ZNF365: variants seen among roughly 807,000 people sequenced by gnomAD.
ZNF365 encodes the protein zinc finger protein 365, also known as protein ZNF365.
ZNF365 carries 22 observed loss-of-function variants against 35.0 expected under a neutral mutation model. The ratio of observed to expected loss-of-function variants is 0.63; its 90% CI spans 0.45 to 0.90. The LOEUF is 0.90. ZNF365 is among the 40% of genes least tolerant of loss of function. ZNF365 has a pLI of 0.00. For missense variants in ZNF365, 448 were observed against 500.3 expected (o/e 0.90, Z 1.00); for synonymous variants, 188 against 196.2 (o/e 0.96, Z 0.35).
At chr10:62,417,429 G>A (rs7923561) in intron 3 of ZNF365, among the ~76,000 whole-genome samples, 95,089 of 151,868 alleles carry the variant, frequency 0.63, 30,307 homozygotes, top group East Asian at 0.84. Flanking sequence ...TGCTAATGCC[G>A]TGTTTGGTTC....
chr10:62,450,015 G>C (rs1219100085), intron 3 of ZNF365, among the ~76,000 whole-genome samples: 1 of 151,414 alleles, frequency 6.6e-6, no homozygotes, highest in Non-Finnish European at 1.5e-5. Context: ...ACTCACACCT[G>C]CAATCTCAGC....
In ZNF365 at chr10:62,401,412, C is replaced by T. The variant is rs1379209912; in HGVS notation, c.*1623C>T. 1.0e-6 allele frequency: 1 copy of T among 985,320 alleles called. No individual in the cohort carries two copies. Among genetic ancestry groups the T allele is most frequent in the African/African-American group, 1.7e-5 (1 of 57,188 alleles). The allele number at this position is 985,320 out of a possible 1,614,324, so 61.0% of individuals were successfully genotyped here. ...AATGCCAGTCAATTGAAAAGTGTAA[C>T]TTATCATTATACAAACATTCTGAAC... On this transcript the variant is annotated 3_prime_UTR_variant, in exon 5 of 5. Transcript: ENST00000395254.
At chr10:62,419,417 G>A (rs1453697352) in intron 3 of ZNF365, among the ~76,000 whole-genome samples, 1 of 151,366 alleles carries the variant, frequency 6.6e-6, no homozygotes, top group Admixed American at 6.6e-5. Context: ...AGGGAGGACA[G>A]CTATCTAGAA....
chr10:62,409,162 G>T (rs994349390), intron 3 of ZNF365, among the ~76,000 whole-genome samples: 1 of 152,126 alleles, frequency 6.6e-6, no homozygotes, highest in African/African-American at 2.4e-5. Context: ...TCGGTCCAAA[G>T]GAATTAACTT....
At chr10:62,463,080 T>TA (rs979545332) in intron 4 of ZNF365, among the ~76,000 whole-genome samples, 4 of 152,148 alleles carry the variant, frequency 2.6e-5, no homozygotes, top group Non-Finnish European at 4.4e-5. Context: ...TTTTGAGGGT[T>TA]AAAAAACAAA....
intron 4 of ZNF365, among the ~76,000 whole-genome samples, chr10:62,460,089 C>T (rs1224726186): frequency 3.3e-5 from 5 of 152,146 alleles, no homozygotes; most frequent in Non-Finnish European, 5.9e-5. Flanking sequence ...ATTCTCTTCT[C>T]TACCTCCAAA....
chr10:62,434,088 G>A (rs1840371414), intron 3 of ZNF365, among the ~76,000 whole-genome samples: 1 of 152,166 alleles, frequency 6.6e-6, no homozygotes, highest in Admixed American at 6.5e-5. Context: ...AAAAAAATCT[G>A]AATGCACTTG....
intron 3 of ZNF365, among the ~76,000 whole-genome samples, chr10:62,430,036 T>C (rs1432005722): frequency 6.6e-6 from 1 of 152,188 alleles, no homozygotes; most frequent in Non-Finnish European, 1.5e-5. Context: ...ATTGTACTGG[T>C]CTATCATGTG....
chr10:62,448,410 A>G (rs1419647891), intron 3 of ZNF365, among the ~76,000 whole-genome samples: 1 of 152,208 alleles, frequency 6.6e-6, no homozygotes, highest in Non-Finnish European at 1.5e-5. Context: ...AGCTAGGGAT[A>G]AGAGAGCTGA....
chr10:62,478,963 C>T (rs1455549433), intron 4 of ZNF365, among the ~76,000 whole-genome samples: 1 of 152,214 alleles, frequency 6.6e-6, no homozygotes, highest in Non-Finnish European at 1.5e-5. Context: ...AACTTAATTT[C>T]ATATCTACTT....
chr10:62,413,762 G>C (rs141241176), intron 3 of ZNF365, among the ~76,000 whole-genome samples: 2 of 152,156 alleles, frequency 1.3e-5, no homozygotes, highest in African/African-American at 4.8e-5. Flanking sequence ...CATTCACCAC[G>C]AGAAGCAGAG....
At chr10:62,423,751 C>T (rs1214007680) in intron 3 of ZNF365, among the ~76,000 whole-genome samples, 3 of 152,126 alleles carry the variant, frequency 2.0e-5, no homozygotes, top group Non-Finnish European at 4.4e-5. Context: ...GATCACAGCT[C>T]TCTGAATCCA....
intron 4 of ZNF365, among the ~76,000 whole-genome samples, chr10:62,465,384 C>T (rs575626862): frequency 1.6e-4 from 25 of 152,112 alleles, no homozygotes; most frequent in Middle Eastern, 3.4e-3. Context: ...GTGGATGGCA[C>T]GTTGATGGTG....
intron 3 of ZNF365, among the ~76,000 whole-genome samples, chr10:62,395,979 A>C (rs1004083315): frequency 1.1e-4 from 17 of 152,176 alleles, no homozygotes; most frequent in African/African-American, 3.6e-4. Flanking sequence ...AAAGAAGACA[A>C]AAGTGTTGGA....
intron 4 of ZNF365, among the ~76,000 whole-genome samples, chr10:62,471,365 C>CAAA (rs768258691): frequency 0.044 from 3,579 of 81,034 alleles, 192 homozygotes; most frequent in African/African-American, 0.13. Context: ...GACTCTGTCT[C>CAAA]AAAAAAAAAA....
chr10:62,403,876 G>C (rs1348673288), downstream of ZNF365, among the ~76,000 whole-genome samples: 1 of 152,176 alleles, frequency 6.6e-6, no homozygotes, highest in Non-Finnish European at 1.5e-5. Context: ...CTTCAGAAGT[G>C]AATTCCAGGG....
intron 3 of ZNF365, among the ~76,000 whole-genome samples, chr10:62,419,999 T>G (rs916861742): frequency 6.6e-6 from 1 of 152,144 alleles, no homozygotes; most frequent in South Asian, 2.1e-4. Context: ...TAGAGAGATG[T>G]TTTCTCCTTT....
At chr10:62,460,364 A>G (rs955522276) in intron 4 of ZNF365, among the ~76,000 whole-genome samples, 7 of 152,318 alleles carry the variant, frequency 4.6e-5, no homozygotes, top group Admixed American at 2.0e-4. Context: ...GAACTCTTAC[A>G]TGTTTTTTCT....
At chr10:62,412,340 G>T (rs1461486200) in intron 3 of ZNF365, among the ~76,000 whole-genome samples, 1 of 152,066 alleles carries the variant, frequency 6.6e-6, no homozygotes, top group Non-Finnish European at 1.5e-5. Flanking sequence ...ATACTGAATG[G>T]GCAAAAGCTG....
Sources: allele counts gnomAD v4.1 joint callset (sites outside exome capture counted in the v4.1 genomes callset), GRCh38; gene constraint gnomAD v4.1.1; transcripts MANE v1.5; gene names NCBI Gene and HGNC (gene_info 2026-07-23, HGNC 2026-07-21).